Variants in MAJIN observed in about 807,000 individuals in gnomAD.
The protein encoded by MAJIN is membrane anchored junction protein.
In MAJIN, 27 loss-of-function variants were observed where a neutral mutation model predicts 30.2. The observed-to-expected ratio is 0.89, with a 90% CI of 0.66 to 1.23. The LOEUF (loss-of-function observed/expected upper bound fraction) is 1.23. MAJIN is among the 50% of genes most tolerant of loss of function. The probability of loss-of-function intolerance (pLI) is 0.00; values close to 1 mark genes in which losing one functional copy is unlikely to be tolerated. For missense variants in MAJIN, 253 were observed against 260.3 expected (o/e 0.97, Z 0.19); for synonymous variants, 78 against 91.6 (o/e 0.85, Z 0.85).
rs1419596909 is a variant in MAJIN, at chr11:64,972,077, A to G, written c.-265T>C. On this transcript the variant is annotated 5_prime_UTR_variant, in exon 1 of 11. Coordinates refer to ENST00000301896, the MANE Select transcript of MAJIN (RefSeq NM_001037225.3). Reference sequence around the variant, plus strand: ...AGCAACTTCGGGGCTCGTGCCGCGCACCCACCAGGCCTTCTGCGCACGCGC... The same window carrying G: ...AGCAACTTCGGGGCTCGTGCCGCGCGCCCACCAGGCCTTCTGCGCACGCGC... The G allele has an allele frequency of 4.6e-5, 7 of 152,086 alleles. No individual in the cohort carries two copies. The allele number at this position is 152,086 out of a possible 1,614,324, so 9.4% of individuals were successfully genotyped here.
intron 1 of MAJIN, among the ~76,000 whole-genome samples, chr11:64,962,513 G>A (rs145604275): frequency 1.3e-5 from 2 of 152,248 alleles, no homozygotes; most frequent in Admixed American, 1.3e-4. Flanking sequence ...ATTTTTAGGT[G>A]ACCACAAATC....
intron 4 of MAJIN, among the ~76,000 whole-genome samples, chr11:64,950,783 T>C (rs1222314392): frequency 1.3e-5 from 2 of 152,114 alleles, no homozygotes; most frequent in Non-Finnish European, 2.9e-5. Flanking sequence ...GGTTTCACCA[T>C]GTTGCCCAGG....
chr11:64,959,464 G>A (rs1295161015), intron 2 of MAJIN, 42 bp from the exon 3 acceptor site: 2 of 1,515,486 alleles, frequency 1.3e-6, no homozygotes, highest in Non-Finnish European at 1.8e-6. Flanking sequence ...GCTAACGATT[G>A]TTCCTTATTT....
chr11:64,967,111 TA>T (rs979889941), intron 1 of MAJIN, among the ~76,000 whole-genome samples: 4 of 150,302 alleles, frequency 2.7e-5, no homozygotes, highest in Admixed American at 2.0e-4. Context: ...CTGTATCATA[TA>T]AAAAAAAGAA....
chr11:64,966,895 T>C (rs1945819152), intron 1 of MAJIN, among the ~76,000 whole-genome samples: 2 of 147,920 alleles, frequency 1.4e-5, no homozygotes, highest in African/African-American at 5.0e-5. Flanking sequence ...GAACACACCA[T>C]TGCACTCCAG....
Position 64,963,627 on chromosome 11 carries a change from C to T in MAJIN, c.-64-3492G>A, listed in dbSNP as rs1330154018. On this transcript the variant is annotated intron_variant, in intron 1 of 10. Coordinates refer to ENST00000301896, the MANE Select transcript of MAJIN (RefSeq NM_001037225.3). ...CTGCAGCAGGTGGATCACCTGAGGTCGGGAGTTTGAGACCAGGCTGGCCAA... is the reference window on the plus strand; with the variant it reads ...CTGCAGCAGGTGGATCACCTGAGGTTGGGAGTTTGAGACCAGGCTGGCCAA... Among the ~76,000 whole-genome samples the T allele has an allele frequency of 2.6e-5, 4 of 152,242 alleles. No homozygotes were observed. The East Asian group carries it at 7.7e-4, about 29-fold the overall frequency.
At chr11:64,955,791 G>C (rs1273707476) in intron 3 of MAJIN, among the ~76,000 whole-genome samples, 1 of 152,208 alleles carries the variant, frequency 6.6e-6, no homozygotes, top group Non-Finnish European at 1.5e-5. Flanking sequence ...ATAATGAAAT[G>C]TATCAATATT....
At position 64,954,764 on chromosome 11, in the gene MAJIN, TC is replaced by T; in HGVS notation, c.139del (p.Glu47SerfsTer39). The T allele has an allele frequency of 6.2e-7, 1 of 1,613,696 alleles. No individual in the cohort carries two copies. The highest frequency in any genetic ancestry group is 8.5e-7 in the Non-Finnish European group (1 of 1,179,760). ...GTATGCTTCTTTCCCTACCTCCAGC[TC>T]CTGGGTGATGACTTCCTTATTTTCT... ...EIENKEVITQ[E>X]LEDSVRVVLG... is the part of the protein sequence containing the mutation. On this transcript the variant is annotated frameshift_variant, in exon 4 of 11. Transcript: ENST00000301896. LOFTEE classifies it high-confidence loss of function.
rs1034106880 is a variant in MAJIN at position 64,950,002 on chromosome 11, C to G, written c.224-134G>C. 1.5e-5 allele frequency: 19 copies of G among 1,238,868 alleles called. No homozygotes were observed. In the Admixed American group the frequency reaches 2.6e-4, roughly 17 times the overall value. 76.7% of individuals were successfully genotyped at this position (1,238,868 alleles called of 1,614,324 possible). A position where few individuals can be genotyped will look rare whatever the true frequency, so the allele number is the denominator to read the frequency against. ...ATGGTTTTGCTACGTCCATTTGAGT[C>G]TAAAATGTGAGCTGTAGCTCATTTC... On this transcript the variant is annotated intron_variant, in intron 5 of 10. Coordinates refer to ENST00000301896, the MANE Select transcript of MAJIN (RefSeq NM_001037225.3).
chr11:64,961,391 T>C (rs1274659870), intron 1 of MAJIN, among the ~76,000 whole-genome samples: 1 of 151,504 alleles, frequency 6.6e-6, no homozygotes, highest in African/African-American at 2.4e-5. Context: ...GGTCTTGAAG[T>C]CCTGACCTCA....
At chr11:64,940,141 G>C (rs1261916236) in intron 9 of MAJIN, among the ~76,000 whole-genome samples, 2 of 152,138 alleles carry the variant, frequency 1.3e-5, no homozygotes, top group Non-Finnish European at 2.9e-5. Flanking sequence ...AGTAGGGAGG[G>C]CAATAGCTTG....
intron 10 of MAJIN, 81 bp downstream of exon 10, chr11:64,939,581 T>A: frequency 7.9e-7 from 1 of 1,262,792 alleles, no homozygotes; most frequent in South Asian, 1.3e-5. Flanking sequence ...TGCTTTCTTT[T>A]CTATTCTAAT....
Position 64,938,508 on chromosome 11 carries a change from C to T in MAJIN, c.*67G>A, listed in dbSNP as rs960462240. On this transcript the variant is annotated 3_prime_UTR_variant, in exon 11 of 11. Coordinates refer to ENST00000301896, the MANE Select transcript of MAJIN (RefSeq NM_001037225.3). ...CTACAAGAGATGATCCTCTTTCCAG[C>T]GCTGCATTTGGAAGGCTCAAGAGTG... 54 of 1,533,580 alleles carry T rather than the reference C, an allele frequency of 3.5e-5. No individual in the cohort carries two copies. The highest frequency in any genetic ancestry group is 4.4e-5 in the Non-Finnish European group (50 of 1,144,802). 95.0% of individuals were successfully genotyped at this position (1,533,580 alleles called of 1,614,324 possible).
intron 1 of MAJIN, among the ~76,000 whole-genome samples, chr11:64,967,342 G>A (rs1424335686): frequency 6.6e-6 from 1 of 151,826 alleles, no homozygotes; most frequent in Non-Finnish European, 1.5e-5. Flanking sequence ...GGAAGCAGAG[G>A]GTGCAATGAG....
chr11:64,940,581 C>T lies in MAJIN; in HGVS notation c.539G>A (p.Arg180Lys), dbSNP rs776990638. ...RLWPLISLMS[R>K]NKILSGDTAC... Reference sequence around the variant, plus strand: ...AAATTTCCCAGGACCTACCTTGTTTCTGGACATCAGTGATATCAGAGGCCA... The same window carrying T: ...AAATTTCCCAGGACCTACCTTGTTTTTGGACATCAGTGATATCAGAGGCCA... The change falls in exon 9 of 11, where the codon AGA becomes AAA. Residue 180 changes from arginine (R) to lysine (K), a missense_variant. Arg to Lys is a conservative substitution (Grantham distance 26). Transcript: ENST00000301896. 2.5e-5 allele frequency: 41 copies of T among 1,613,600 alleles called. No homozygotes were observed. The highest frequency in any genetic ancestry group is 3.3e-5 in the Non-Finnish European group (39 of 1,179,640).
intron 1 of MAJIN, among the ~76,000 whole-genome samples, chr11:64,971,127 T>C (rs1945894851): frequency 6.6e-6 from 1 of 152,062 alleles, no homozygotes; most frequent in Admixed American, 6.6e-5. Flanking sequence ...AAACCGTCTC[T>C]ACTAAAAACA....
chr11:64,958,638 G>A (rs1434611482), intron 3 of MAJIN, among the ~76,000 whole-genome samples: 1 of 150,398 alleles, frequency 6.6e-6, no homozygotes, highest in African/African-American at 2.4e-5. Context: ...TTGCAAGGGA[G>A]TCGAGATGAA....
intron 4 of MAJIN, among the ~76,000 whole-genome samples, chr11:64,952,846 A>C (rs1945574993): frequency 6.6e-6 from 1 of 152,086 alleles, no homozygotes; most frequent in Admixed American, 6.6e-5. Context: ...CTTGGACTAC[A>C]GGTACGTGCC....
intron 8 of MAJIN, among the ~76,000 whole-genome samples, chr11:64,941,041 T>TTAGCCAG (rs1267963904): frequency 6.6e-6 from 1 of 151,798 alleles, no homozygotes; most frequent in Non-Finnish European, 1.5e-5. Context: ...GGTTTCACCG[T>TTAGCCAG]GTTAGCCAGG....
Sources: allele counts gnomAD v4.1 joint callset (sites outside exome capture counted in the v4.1 genomes callset), GRCh38; gene constraint gnomAD v4.1.1; transcripts MANE v1.5; gene names NCBI Gene and HGNC (gene_info 2026-07-23, HGNC 2026-07-21).